Variants in IL1RAPL1 observed in about 807,000 individuals in gnomAD.
The protein encoded by IL1RAPL1 is interleukin 1 receptor accessory protein like 1.
IL1RAPL1 carries 3 observed loss-of-function variants against 48.4 expected under a neutral mutation model. The ratio of observed to expected loss-of-function variants is 0.06; its 90% confidence interval spans 0.03 to 0.16. The LOEUF (loss-of-function observed/expected upper bound fraction) is 0.16, where lower values mean the gene tolerates loss of function less well. Among genes scored for constraint, IL1RAPL1 ranks in the 10% least tolerant of loss-of-function variants. The pLI is 1.00. For missense variants in IL1RAPL1, 349 were observed against 530.6 expected, an observed-to-expected ratio of 0.66 and a Z score of 3.36; for synonymous variants, 185 against 187.7, an observed-to-expected ratio of 0.99 and a Z score of 0.12.
intron 5 of IL1RAPL1, among the ~76,000 whole-genome samples, chrX:29,463,926 C>T (rs935195506): frequency 9.0e-6 from 1 of 111,208 alleles, no homozygotes; most frequent in South Asian, 3.8e-4. Context: ...CAACAGTTAG[C>T]CTCCACTTCC....
intron 6 of IL1RAPL1, among the ~76,000 whole-genome samples, chrX:29,754,549 G>A (rs755218513): frequency 9.0e-5 from 10 of 111,652 alleles, no homozygotes; most frequent in African/African-American, 1.6e-4. Flanking sequence ...ACGATTAGCC[G>A]CAACAGCCTT....
intron 1 of IL1RAPL1, among the ~76,000 whole-genome samples, chrX:28,753,261 A>G (rs1936064746): frequency 8.9e-6 from 1 of 112,443 alleles, no homozygotes; most frequent in Non-Finnish European, 1.9e-5. Context: ...GATATTATGT[A>G]AAGAAAGGAA....
intron 2 of IL1RAPL1, among the ~76,000 whole-genome samples, chrX:28,954,007 A>T (rs1441641069): frequency 9.0e-6 from 1 of 111,479 alleles, no homozygotes; most frequent in Non-Finnish European, 1.9e-5. Flanking sequence ...TGATACTTTT[A>T]AAAATGTACT....
chrX:29,253,292 G>T (rs7054533), intron 2 of IL1RAPL1, among the ~76,000 whole-genome samples: 7,086 of 110,676 alleles, frequency 0.064, 547 homozygotes, highest in African/African-American at 0.22. Flanking sequence ...ATTCTCAAAT[G>T]GATAGTGAGT....
At chrX:29,923,762 T>C (rs1932864328) in intron 8 of IL1RAPL1, among the ~76,000 whole-genome samples, 2 of 111,656 alleles carry the variant, frequency 1.8e-5, no homozygotes, top group Admixed American at 9.5e-5. Flanking sequence ...TCCTATTCTC[T>C]CCATTTTTTA....
intron 5 of IL1RAPL1, among the ~76,000 whole-genome samples, chrX:29,657,682 G>A (rs1295594068): frequency 1.8e-5 from 2 of 111,255 alleles, no homozygotes; most frequent in African/African-American, 6.5e-5. Context: ...ATTTATGAAG[G>A]CCTTTTATCT....
intron 2 of IL1RAPL1, among the ~76,000 whole-genome samples, chrX:29,089,998 T>G (rs1265980943): frequency 9.4e-6 from 1 of 106,259 alleles, no homozygotes; most frequent in Non-Finnish European, 1.9e-5. Context: ...TAGCTTAAAT[T>G]TGAAGCCTAG....
chrX:29,172,868 G>A (rs1346194016), intron 2 of IL1RAPL1, among the ~76,000 whole-genome samples: 3 of 111,535 alleles, frequency 2.7e-5, no homozygotes, highest in African/African-American at 9.8e-5. Context: ...GAATCAGGAT[G>A]GGAAGAGGAG....
At chrX:29,053,826 T>A (rs915851289) in intron 2 of IL1RAPL1, among the ~76,000 whole-genome samples, 1 of 93,598 alleles carries the variant, frequency 1.1e-5, no homozygotes, top group African/African-American at 4.9e-5. Flanking sequence ...GAATAGAAAG[T>A]CCTTTTTTCC....
At chrX:28,937,162 C>G (rs1924037819) in intron 2 of IL1RAPL1, among the ~76,000 whole-genome samples, 1 of 111,417 alleles carries the variant, frequency 9.0e-6, no homozygotes, top group Admixed American at 9.6e-5. Context: ...AAAATTTACT[C>G]TCTGAAAACA....
chrX:28,612,112 A>G (rs1601834140), intron 1 of IL1RAPL1, among the ~76,000 whole-genome samples: 1 of 111,576 alleles, frequency 9.0e-6, no homozygotes, highest in African/African-American at 3.3e-5. Context: ...AGGCTTTCTA[A>G]TATTTGTGGG....
intron 6 of IL1RAPL1, among the ~76,000 whole-genome samples, chrX:29,772,252 TAAAA>T (rs67864442): frequency 1.1e-5 from 1 of 95,134 alleles, no homozygotes; most frequent in African/African-American, 3.9e-5. Flanking sequence ...CCCTGTTTCT[TAAAA>T]AAAAAAAAAA....
chrX:29,170,635 A>G (rs182966573), intron 2 of IL1RAPL1, among the ~76,000 whole-genome samples: 1 of 111,878 alleles, frequency 8.9e-6, no homozygotes, highest in East Asian at 2.8e-4. Flanking sequence ...AGAAGTGATT[A>G]GTATATTATT....
intron 5 of IL1RAPL1, among the ~76,000 whole-genome samples, chrX:29,479,337 C>G (rs1267609036): frequency 9.0e-5 from 9 of 100,361 alleles, no homozygotes; most frequent in Non-Finnish European, 2.0e-5. Flanking sequence ...ATCGCTTGAG[C>G]CTGGGAGGCA....
At chrX:29,647,297 C>T (rs764614881) in intron 5 of IL1RAPL1, among the ~76,000 whole-genome samples, 2 of 103,606 alleles carry the variant, frequency 1.9e-5, no homozygotes, top group African/African-American at 3.5e-5. Flanking sequence ...TTGCAGTGAG[C>T]GAGATCATGC....
At chrX:29,575,051 A>C (rs1263868745) in intron 5 of IL1RAPL1, among the ~76,000 whole-genome samples, 2 of 111,451 alleles carry the variant, frequency 1.8e-5, no homozygotes, top group Non-Finnish European at 3.8e-5. Flanking sequence ...AGTCTCTAGA[A>C]AGTTCCAATC....
At position 28,820,013 on chromosome X, in the gene IL1RAPL1, T is replaced by C. The variant is rs1260880256; in HGVS notation, c.82+30588T>C. ...ATATATATATATATATATATATATA[T>C]ACATGTACTGTATCTACAAATGAAA... On this transcript the variant is annotated intron_variant, in intron 2 of 10. Coordinates refer to ENST00000378993, the MANE Select transcript of IL1RAPL1 (RefSeq NM_014271.4). Among the ~76,000 whole-genome samples the C allele has an allele frequency of 2.8e-3, 186 of 67,367 alleles. 5 individuals carry two copies. The highest frequency in any genetic ancestry group is 0.022 in the Admixed American group (120 of 5,460). The allele number at this position is 67,367 out of a possible 115,157, so 58.5% of individuals were successfully genotyped here.
intron 5 of IL1RAPL1, among the ~76,000 whole-genome samples, chrX:29,452,418 G>T (rs963090199): frequency 1.8e-5 from 2 of 111,584 alleles, no homozygotes; most frequent in Admixed American, 1.9e-4. Flanking sequence ...CTTTGAGATG[G>T]CAGTCCCCTT....
At chrX:28,671,126 C>A (rs1269917077) in intron 1 of IL1RAPL1, among the ~76,000 whole-genome samples, 1 of 111,891 alleles carries the variant, frequency 8.9e-6, no homozygotes, top group Admixed American at 9.5e-5. Context: ...GGGACATGTT[C>A]ATTTCAAGTT....
Sources: gnomAD v4.1 joint callset for allele counts (sites outside exome capture counted in the v4.1 genomes callset) on GRCh38, gnomAD v4.1.1 for gene constraint, MANE v1.5 for transcripts, NCBI Gene and HGNC (gene_info 2026-07-23, HGNC 2026-07-21) for gene names.